The following MAF variants were observed in gnomAD, a reference collection of about 807,000 sequenced individuals.
MAF encodes the protein transcription factor Maf.
A neutral mutation model predicts 22.0 loss-of-function variants in MAF; 10 were observed. That is an observed-to-expected ratio of 0.45 (90% confidence interval 0.28 to 0.77). The LOEUF is 0.77. Among genes scored for constraint, MAF ranks in the 30% least tolerant of loss-of-function variants. MAF has a pLI of 0.12. For missense variants in MAF, 544 were observed against 548.4 expected (o/e 0.99, Z 0.08); for synonymous variants, 337 against 255.8 (o/e 1.32, Z -3.03).
the MAF span, among the ~76,000 whole-genome samples, chr16:79,234,069 G>A: frequency 6.6e-6 from 1 of 151,588 alleles, no homozygotes; most frequent in Non-Finnish European, 1.5e-5. Flanking sequence ...AATATTTTCA[G>A]AAAGTGATCC....
the MAF span, among the ~76,000 whole-genome samples, chr16:79,396,670 G>A: frequency 4.3e-3 from 661 of 152,314 alleles, no homozygotes; most frequent in Middle Eastern, 0.01. Flanking sequence ...AGAAGAATGC[G>A]TAGAGAGCAG....
At chr16:79,280,623 T>A in the MAF span, among the ~76,000 whole-genome samples, 24 of 152,150 alleles carry the variant, frequency 1.6e-4, no homozygotes, top group African/African-American at 5.1e-4. Flanking sequence ...TTAAAATAGA[T>A]ATTTCTTCTC....
the MAF span, among the ~76,000 whole-genome samples, chr16:79,312,491 G>C: frequency 3.3e-5 from 5 of 152,270 alleles, no homozygotes; most frequent in South Asian, 6.2e-4. Flanking sequence ...CTCTCCATTG[G>C]CTTCTCTGTG....
At chr16:79,228,702 G>A in the MAF span, among the ~76,000 whole-genome samples, 1 of 152,006 alleles carries the variant, frequency 6.6e-6, no homozygotes, top group African/African-American at 2.4e-5. Context: ...TGTTATGGTT[G>A]AAAATTCAGA....
chr16:79,599,033 C>T lies in MAF; in HGVS notation c.870G>A (p.Lys290=), dbSNP rs564207254. Reference sequence around the variant, plus strand: ...GGTTTTTCAGGGTCCGCCTCTTCTGCTTCAGCCGGATCACCTCCTCCTTGC... The same window carrying T: ...GGTTTTTCAGGGTCCGCCTCTTCTGTTTCAGCCGGATCACCTCCTCCTTGC... ...GVSKEEVIRL[K]QKRRTLKNRG... The change falls in exon 1 of 2, where the codon AAG becomes AAA. Residue 290 remains lysine (K), a synonymous_variant. Transcript: ENST00000326043. The T allele has an allele frequency of 1.2e-6, 2 of 1,613,408 alleles. No individual in the cohort carries two copies. Among genetic ancestry groups the T allele is most frequent in the African/African-American group, 2.7e-5 (2 of 75,004 alleles).
chr16:79,288,207 C>A, the MAF span, among the ~76,000 whole-genome samples: 20 of 152,168 alleles, frequency 1.3e-4, no homozygotes, highest in Admixed American at 6.5e-5. Flanking sequence ...GATGCTTCTG[C>A]CATCAAGAGG....
the MAF span, among the ~76,000 whole-genome samples, chr16:79,373,361 T>A: frequency 4.4e-5 from 1 of 22,770 alleles, no homozygotes; most frequent in Admixed American, 5.8e-4. Context: ...ACTGGTAGCT[T>A]TTTTTTTTTT....
the MAF span, among the ~76,000 whole-genome samples, chr16:79,471,150 G>A: frequency 2.6e-5 from 4 of 152,182 alleles, no homozygotes; most frequent in Admixed American, 6.5e-5. Flanking sequence ...CCACGCCTGT[G>A]GAGGAAGGAG....
At chr16:79,354,476 A>G in the MAF span, among the ~76,000 whole-genome samples, 1 of 152,194 alleles carries the variant, frequency 6.6e-6, no homozygotes, top group Non-Finnish European at 1.5e-5. Context: ...TGGGGACAGA[A>G]GCAAATCAGG....
chr16:79,317,261 C>A, the MAF span, among the ~76,000 whole-genome samples: 1 of 146,986 alleles, frequency 6.8e-6, no homozygotes, highest in African/African-American at 2.5e-5. Context: ...TCCTTCTTTC[C>A]TTCCTTCCCT....
chr16:79,411,207 C>T, the MAF span, among the ~76,000 whole-genome samples: 2 of 151,574 alleles, frequency 1.3e-5, no homozygotes, highest in African/African-American at 2.4e-5. Flanking sequence ...ACCTCGAAAC[C>T]TTGGTGGCTG....
chr16:79,328,015 A>G, the MAF span, among the ~76,000 whole-genome samples: 2 of 152,162 alleles, frequency 1.3e-5, no homozygotes, highest in Non-Finnish European at 2.9e-5. Context: ...TTGAGCCTCA[A>G]TTTCCTTCTC....
chr16:79,237,783 C>T, the MAF span, among the ~76,000 whole-genome samples: 1 of 152,130 alleles, frequency 6.6e-6, no homozygotes, highest in African/African-American at 2.4e-5. Context: ...CCACCAGTGG[C>T]TAGCAGCGAC....
the MAF span, among the ~76,000 whole-genome samples, chr16:79,537,436 G>T: frequency 8.7e-6 from 1 of 115,114 alleles, no homozygotes; most frequent in Non-Finnish European, 2.0e-5. Flanking sequence ...CTATTGCAAT[G>T]CCCATTTTAC....
the MAF span, among the ~76,000 whole-genome samples, chr16:79,351,947 C>G: frequency 6.6e-6 from 1 of 152,088 alleles, no homozygotes; most frequent in African/African-American, 2.4e-5. Flanking sequence ...TTTTCACACC[C>G]CAAGATAAGC....
At chr16:79,405,310 C>T in the MAF span, among the ~76,000 whole-genome samples, 56 of 152,298 alleles carry the variant, frequency 3.7e-4, no homozygotes, top group African/African-American at 1.1e-3. Flanking sequence ...GACATCACTT[C>T]ATCCTCTGGG....
the MAF span, chr16:79,515,943 C>G: frequency 7.3e-6 from 1 of 136,966 alleles, no homozygotes; most frequent in South Asian, 2.4e-4. Flanking sequence ...GTTACTTGGA[C>G]AAAAATTAAG....
the MAF span, among the ~76,000 whole-genome samples, chr16:79,564,111 G>A: frequency 6.6e-6 from 1 of 152,200 alleles, no homozygotes; most frequent in East Asian, 1.9e-4. Context: ...GGCCACTGCC[G>A]CCCCTTCAGG....
At chr16:79,451,180 A>G in the MAF span, among the ~76,000 whole-genome samples, 1 of 152,244 alleles carries the variant, frequency 6.6e-6, no homozygotes, top group East Asian at 1.9e-4. Flanking sequence ...GGGCCCGTCC[A>G]GTTAAAACTA....
Sources: allele counts gnomAD v4.1 joint callset (sites outside exome capture counted in the v4.1 genomes callset), GRCh38; gene constraint gnomAD v4.1.1; transcripts MANE v1.5; gene names NCBI Gene and HGNC (gene_info 2026-07-23, HGNC 2026-07-21).